Variants in PAX5 observed in about 807,000 individuals in gnomAD.
PAX5 encodes the protein paired box protein Pax-5.
PAX5 carries 9 observed loss-of-function variants against 43.7 expected under a neutral mutation model. The ratio of observed to expected loss-of-function variants is 0.21; its 90% confidence interval spans 0.12 to 0.36. The LOEUF (loss-of-function observed/expected upper bound fraction) is 0.36, where lower values mean the gene tolerates loss of function less well. Among genes scored for constraint, PAX5 ranks in the 10% least tolerant of loss-of-function variants. The pLI is 1.00. For synonymous variants in PAX5, 228 were observed against 214.3 expected (o/e 1.06, Z -0.56); for missense variants, 383 against 532.7 (o/e 0.72, Z 2.77).
chr9:36,942,844 G>T (rs1264487288), intron 6 of PAX5, among the ~76,000 whole-genome samples: 1 of 152,246 alleles, frequency 6.6e-6, no homozygotes, highest in African/African-American at 2.4e-5. Flanking sequence ...GCAAGAGAGT[G>T]AGCCCAGGAG....
intron 4 of PAX5, among the ~76,000 whole-genome samples, chr9:37,006,199 C>A (rs560314506): frequency 3.0e-4 from 35 of 116,726 alleles, no homozygotes; most frequent in Non-Finnish European, 7.6e-5. Context: ...TTCTATAGAC[C>A]CCCATTAGTG....
At chr9:37,028,284 T>C (rs1448682552) in intron 1 of PAX5, among the ~76,000 whole-genome samples, 1 of 152,132 alleles carries the variant, frequency 6.6e-6, no homozygotes, top group Non-Finnish European at 1.5e-5. Context: ...TTAACTAGAT[T>C]TTACTGAAGG....
rs975698460 is a variant in PAX5 at position 36,835,871 on chromosome 9, C to T, written c.*4689G>A. On this transcript the variant is annotated 3_prime_UTR_variant, in exon 10 of 10. Transcript: ENST00000358127. ...CCATGCCTGCCTGGGCCTGGCCTGG[C>T]CGTGGGGCAGGAGTTGGTTTCCACC... 5.1e-5 allele frequency: 12 copies of T among 233,390 alleles called. No individual in the cohort carries two copies. The highest frequency in any genetic ancestry group is 1.1e-4 in the Admixed American group (2 of 17,778). 14.5% of individuals were successfully genotyped at this position (233,390 alleles called of 1,614,324 possible).
At chr9:36,854,338 C>T (rs77430343) in intron 8 of PAX5, among the ~76,000 whole-genome samples, 6,112 of 152,264 alleles carry the variant, frequency 0.04, 414 homozygotes, top group African/African-American at 0.14. Flanking sequence ...TCCCGATATA[C>T]ACGTACACAT....
intron 2 of PAX5, among the ~76,000 whole-genome samples, chr9:37,018,255 A>G (rs919337834): frequency 6.6e-5 from 10 of 152,142 alleles, no homozygotes; most frequent in African/African-American, 1.9e-4. Context: ...TGTGTAACAT[A>G]CTACCCAATA....
chr9:36,890,446 G>C (rs1827282644), intron 7 of PAX5, among the ~76,000 whole-genome samples: 2 of 152,212 alleles, frequency 1.3e-5, no homozygotes, highest in Admixed American at 1.3e-4. Context: ...TGGCAACTCT[G>C]TCTGCTGGGG....
chr9:36,969,576 A>G (rs1308664494), intron 5 of PAX5, among the ~76,000 whole-genome samples: 1 of 152,258 alleles, frequency 6.6e-6, no homozygotes, highest in African/African-American at 2.4e-5. Flanking sequence ...GACTCAGCAC[A>G]GGCAGCCTCG....
chr9:36,864,637 G>C (rs1824647561), intron 8 of PAX5, among the ~76,000 whole-genome samples: 1 of 152,178 alleles, frequency 6.6e-6, no homozygotes, highest in Non-Finnish European at 1.5e-5. Flanking sequence ...CTGAGCGTGG[G>C]CCAGCCTCCC....
At chr9:36,985,906 G>T (rs1264562314) in intron 5 of PAX5, among the ~76,000 whole-genome samples, 1 of 152,220 alleles carries the variant, frequency 6.6e-6, no homozygotes, top group South Asian at 2.1e-4. Context: ...ACTCAGGCTC[G>T]GGGACAGAGG....
Position 37,034,261 on chromosome 9 carries a change from A to T in PAX5, c.-230T>A. 1 of 526,882 alleles carries T rather than the reference A, an allele frequency of 1.9e-6. No individual in the cohort carries two copies. Among genetic ancestry groups the T allele is most frequent in the Non-Finnish European group, 3.4e-6 (1 of 298,062 alleles). The allele number at this position is 526,882 out of a possible 1,614,324, so 32.6% of individuals were successfully genotyped here. ...CGTCCGAAGGCACCGTGAAATGATTAAGGAACTAAAGAGCTTCTCGCCATG... is the reference window on the plus strand; with the variant it reads ...CGTCCGAAGGCACCGTGAAATGATTTAGGAACTAAAGAGCTTCTCGCCATG... On this transcript the variant is annotated 5_prime_UTR_variant, in exon 1 of 10. Transcript: ENST00000358127.
chr9:36,917,818 G>A (rs1219976301), intron 7 of PAX5, among the ~76,000 whole-genome samples: 3 of 152,208 alleles, frequency 2.0e-5, no homozygotes, highest in African/African-American at 4.8e-5. Context: ...AACAGCATGC[G>A]CTCCCTTCCT....
intron 6 of PAX5, among the ~76,000 whole-genome samples, chr9:36,937,098 A>C (rs1004361394): frequency 6.6e-6 from 1 of 152,186 alleles, no homozygotes; most frequent in Non-Finnish European, 1.5e-5. Flanking sequence ...CTGGTTTGCC[A>C]TTCAGAAGAC....
intron 8 of PAX5, among the ~76,000 whole-genome samples, chr9:36,853,112 CCTTT>C (rs1345640697): frequency 2.6e-5 from 4 of 152,198 alleles, no homozygotes; most frequent in Non-Finnish European, 5.9e-5. Flanking sequence ...ATCCCTCTAG[CCTTT>C]CTTTCACCTT....
intron 8 of PAX5, among the ~76,000 whole-genome samples, chr9:36,875,411 C>T (rs1825824779): frequency 2.0e-5 from 3 of 152,208 alleles, no homozygotes; most frequent in African/African-American, 4.8e-5. Context: ...GAAGAGAAGC[C>T]GGAGGGGAAC....
intron 7 of PAX5, among the ~76,000 whole-genome samples, chr9:36,895,656 C>T (rs1827798229): frequency 6.6e-6 from 1 of 152,166 alleles, no homozygotes; most frequent in African/African-American, 2.4e-5. Flanking sequence ...ACCTCTGATG[C>T]CTGTTACTGC....
intron 4 of PAX5, among the ~76,000 whole-genome samples, chr9:37,005,469 G>A (rs1838311637): frequency 6.6e-6 from 1 of 152,226 alleles, no homozygotes; most frequent in African/African-American, 2.4e-5. Flanking sequence ...AGGCCTCAGT[G>A]AGCACCTGGT....
chr9:36,843,858 G>A (rs1218898237), intron 9 of PAX5, among the ~76,000 whole-genome samples: 1 of 152,202 alleles, frequency 6.6e-6, no homozygotes, highest in Non-Finnish European at 1.5e-5. Flanking sequence ...CAGAGCTTCT[G>A]GTGCCCAGTT....
At chr9:36,915,352 C>A (rs1027296836) in intron 7 of PAX5, among the ~76,000 whole-genome samples, 2 of 152,190 alleles carry the variant, frequency 1.3e-5, no homozygotes, top group African/African-American at 2.4e-5. Flanking sequence ...AGATAAGTTT[C>A]TCATACTATC....
At chr9:36,864,650 C>A (rs562288114) in intron 8 of PAX5, among the ~76,000 whole-genome samples, 7 of 152,356 alleles carry the variant, frequency 4.6e-5, no homozygotes, top group East Asian at 1.9e-4. Context: ...AGCCTCCCCC[C>A]TCAGCCCACC....
Sources: gnomAD v4.1 joint callset for allele counts (sites outside exome capture counted in the v4.1 genomes callset) on GRCh38, gnomAD v4.1.1 for gene constraint, MANE v1.5 for transcripts, NCBI Gene and HGNC (gene_info 2026-07-23, HGNC 2026-07-21) for gene names.